The following PSKH1 variants were observed in gnomAD, a reference collection of about 807,000 sequenced individuals.
PSKH1 encodes protein serine kinase H1.
A neutral mutation model predicts 26.7 loss-of-function variants in PSKH1; 12 were observed. That is an observed-to-expected ratio of 0.45 (90% CI 0.29 to 0.73). PSKH1 has a LOEUF of 0.73. Among genes scored for constraint, PSKH1 ranks in the 30% least tolerant of loss-of-function variants. PSKH1 has a pLI of 0.11. For missense variants in PSKH1, 431 were observed against 595.2 expected (o/e 0.72, Z 2.87); for synonymous variants, 213 against 234.3 (o/e 0.91, Z 0.83).
chr16:67,899,331 ATTTTTTTT>A (rs555492519), intron 1 of PSKH1, among the ~76,000 whole-genome samples: 19 of 128,270 alleles, frequency 1.5e-4, no homozygotes, highest in African/African-American at 5.6e-4. Flanking sequence ...GCCAGACCAC[ATTTTTTTT>A]TTTTTTTTTT....
At chr16:67,907,365 A>G (rs903765529) in intron 1 of PSKH1, among the ~76,000 whole-genome samples, 5 of 151,480 alleles carry the variant, frequency 3.3e-5, no homozygotes, top group African/African-American at 9.7e-5. Context: ...GGTTCAAGCA[A>G]TTCTTCTGCC....
intron 1 of PSKH1, among the ~76,000 whole-genome samples, chr16:67,895,551 A>T (rs192215128): frequency 4.0e-5 from 6 of 151,698 alleles, no homozygotes; most frequent in African/African-American, 1.5e-4. Flanking sequence ...TGGGATTACA[A>T]TCACGCATCA....
intron 2 of PSKH1, among the ~76,000 whole-genome samples, chr16:67,924,281 C>G (rs1318376474): frequency 6.6e-6 from 1 of 152,230 alleles, no homozygotes; most frequent in Non-Finnish European, 1.5e-5. Context: ...CATCTGCATT[C>G]TGCGCACAGC....
intron 1 of PSKH1, among the ~76,000 whole-genome samples, chr16:67,908,163 C>T (rs1235419801): frequency 1.3e-5 from 2 of 152,112 alleles, no homozygotes; most frequent in East Asian, 1.9e-4. Context: ...GAGTCAAAGC[C>T]GTGAAGCTCG....
At chr16:67,919,258 G>T (rs907416984) in intron 2 of PSKH1, among the ~76,000 whole-genome samples, 4 of 152,208 alleles carry the variant, frequency 2.6e-5, no homozygotes, top group Admixed American at 1.3e-4. Context: ...CTCACCTTCA[G>T]TGTGGGTGGG....
At chr16:67,899,454 G>A (rs57781385) in intron 1 of PSKH1, among the ~76,000 whole-genome samples, 8 of 148,892 alleles carry the variant, frequency 5.4e-5, no homozygotes, top group African/African-American at 2.0e-4. Flanking sequence ...TCCTGCCTCA[G>A]CCTCCTGAGT....
At chr16:67,919,559 C>G (rs957064727) in intron 2 of PSKH1, among the ~76,000 whole-genome samples, 1 of 152,210 alleles carries the variant, frequency 6.6e-6, no homozygotes, top group Non-Finnish European at 1.5e-5. Flanking sequence ...AAAGCCATCC[C>G]CACTTCACCA....
intron 1 of PSKH1, among the ~76,000 whole-genome samples, chr16:67,901,291 G>GA (rs2151310563): frequency 6.6e-6 from 1 of 152,278 alleles, no homozygotes; most frequent in Admixed American, 6.5e-5. Context: ...AGATCAGAGG[G>GA]AAAATCATTG....
chr16:67,920,485 C>T (rs1180156536), intron 2 of PSKH1, among the ~76,000 whole-genome samples: 1 of 152,140 alleles, frequency 6.6e-6, no homozygotes, highest in African/African-American at 2.4e-5. Context: ...TCTTGAACTC[C>T]TGGCCTCAAG....
At chr16:67,917,416 G>A (rs908353363) in intron 2 of PSKH1, among the ~76,000 whole-genome samples, 1 of 152,222 alleles carries the variant, frequency 6.6e-6, no homozygotes, top group African/African-American at 2.4e-5. Context: ...CTCCTGTCTA[G>A]CCTGTAGGGT....
rs1383845437 is a variant in PSKH1, at chr16:67,929,152, G to C, written c.*1510G>C. 2 of 152,692 alleles carry C rather than the reference G, an allele frequency of 1.3e-5. No individual in the cohort carries two copies. The highest frequency in any genetic ancestry group is 2.4e-5 in the African/African-American group (1 of 41,466). The allele number at this position is 152,692 out of a possible 1,614,324, so 9.5% of individuals were successfully genotyped here. On this transcript the variant is annotated 3_prime_UTR_variant, in exon 3 of 3. Coordinates refer to ENST00000291041, the MANE Select transcript of PSKH1 (RefSeq NM_006742.3). ...GCCCCTTCCTCCACAGCTGCCTTCA[G>C]TGGGTAGAATGGGGCCAGGGCCCAG...
intron 2 of PSKH1, among the ~76,000 whole-genome samples, chr16:67,920,240 T>G (rs2058198460): frequency 1.3e-5 from 2 of 152,178 alleles, no homozygotes; most frequent in African/African-American, 2.4e-5. Context: ...TCTCCCACAT[T>G]CTGACCTCTT....
At chr16:67,910,722 C>A (rs926167696) in intron 2 of PSKH1, among the ~76,000 whole-genome samples, 1 of 152,228 alleles carries the variant, frequency 6.6e-6, no homozygotes, top group African/African-American at 2.4e-5. Flanking sequence ...AGCCTGGTCT[C>A]GAACTCCAGA....
intron 2 of PSKH1, among the ~76,000 whole-genome samples, chr16:67,920,243 G>A (rs2058198468): frequency 6.6e-6 from 1 of 152,116 alleles, no homozygotes; most frequent in Non-Finnish European, 1.5e-5. Context: ...CCCACATTCT[G>A]ACCTCTTTAT....
rs1028299436 is a variant in PSKH1 at position 67,921,281 on chromosome 16, GA to G, written c.958-6034del. On this transcript the variant is annotated intron_variant, in intron 2 of 2. Coordinates refer to ENST00000291041, the MANE Select transcript of PSKH1 (RefSeq NM_006742.3). Reference sequence around the variant, plus strand: ...AGAGCAAAACTCCGTCTCAAAAAAAGAAAAAAAAAATAATGCCAGGTGCTGT... The same window carrying G: ...AGAGCAAAACTCCGTCTCAAAAAAAGAAAAAAAAATAATGCCAGGTGCTGT... 5.5e-3 allele frequency among the ~76,000 whole-genome samples: 797 copies of G among 144,620 alleles called. 8 individuals are homozygous for G. Among genetic ancestry groups the G allele is most frequent in the African/African-American group, 0.018 (727 of 39,378 alleles). 94.9% of individuals were successfully genotyped at this position (144,620 alleles called of 152,430 possible). A position where few individuals can be genotyped will look rare whatever the true frequency, so the allele number is the denominator to read the frequency against.
In PSKH1 at chr16:67,927,960, C is replaced by T. The variant is rs115078465; in HGVS notation, c.*318C>T. On this transcript the variant is annotated 3_prime_UTR_variant, in exon 3 of 3. Transcript: ENST00000291041. This position sits in a 1 kb window ranked among gnomAD's most constrained non-coding sequence, Gnocchi z 5.5. ...ATAGGACCTGGCCTTCACTGTCTCC[C>T]TTGCCCTTTGACTTTTCCCCAATCA... The T allele has an allele frequency of 0.023, 8,977 of 385,720 alleles. 498 individuals carry two copies. Among genetic ancestry groups the T allele is most frequent in the African/African-American group, 0.14 (6,729 of 49,330 alleles). The allele number at this position is 385,720 out of a possible 1,614,324, so 23.9% of individuals were successfully genotyped here. A position where few individuals can be genotyped will look rare whatever the true frequency, so the allele number is the denominator to read the frequency against.
chr16:67,913,269 C>T (rs1363953040), intron 2 of PSKH1, among the ~76,000 whole-genome samples: 2 of 152,122 alleles, frequency 1.3e-5, no homozygotes, highest in East Asian at 3.9e-4. Flanking sequence ...GCCTCAGCCT[C>T]CCGAGTAGCT....
At chr16:67,920,025 A>G (rs534684405) in intron 2 of PSKH1, among the ~76,000 whole-genome samples, 8 of 152,236 alleles carry the variant, frequency 5.3e-5, no homozygotes, top group African/African-American at 1.9e-4. Context: ...GCTGCCTTTC[A>G]TCACTTTTTC....
At chr16:67,913,833 C>G (rs1337147708) in intron 2 of PSKH1, among the ~76,000 whole-genome samples, 1 of 152,160 alleles carries the variant, frequency 6.6e-6, no homozygotes, top group Non-Finnish European at 1.5e-5. Context: ...GTTGATAACA[C>G]TGACCTATAA....
Sources: allele counts gnomAD v4.1 joint callset (sites outside exome capture counted in the v4.1 genomes callset), GRCh38; gene constraint gnomAD v4.1.1; non-coding constraint Gnocchi (gnomAD v3.1); transcripts MANE v1.5; gene names NCBI Gene and HGNC (gene_info 2026-07-23, HGNC 2026-07-21).